The following MCF2L2 variants were observed in gnomAD, a reference collection of about 807,000 sequenced individuals.
The protein encoded by MCF2L2 is probable guanine nucleotide exchange factor MCF2L2.
Under a neutral mutation model 150.2 loss-of-function variants are expected in MCF2L2, and 102 were observed. The ratio of observed to expected loss-of-function variants is 0.68; its 90% CI spans 0.58 to 0.80. The LOEUF is 0.80. Ranked by LOEUF, MCF2L2 falls within the 30% of genes least tolerant of loss-of-function variation. MCF2L2 has a pLI of 0.00. For missense variants in MCF2L2, 1,256 were observed against 1,372.8 expected, an observed-to-expected ratio of 0.91 and a Z score of 1.34; for synonymous variants, 465 against 491.3, an observed-to-expected ratio of 0.95 and a Z score of 0.71.
chr3:183,351,222 A>G (rs1311743967), intron 3 of MCF2L2, among the ~76,000 whole-genome samples: 1 of 90,196 alleles, frequency 1.1e-5, no homozygotes, highest in Admixed American at 1.1e-4. Flanking sequence ...ATATATATAT[A>G]TATATATATA....
At chr3:183,327,136 C>T (rs1466830897) in intron 5 of MCF2L2, among the ~76,000 whole-genome samples, 1 of 151,950 alleles carries the variant, frequency 6.6e-6, no homozygotes, top group East Asian at 1.9e-4. Flanking sequence ...ACCAGCCTGA[C>T]CAACATGGTG....
At chr3:183,349,804 C>T (rs1264569659) in intron 3 of MCF2L2, among the ~76,000 whole-genome samples, 1 of 152,176 alleles carries the variant, frequency 6.6e-6, no homozygotes, top group East Asian at 1.9e-4. Flanking sequence ...TCCCCTTCCA[C>T]TGTTTTTTTC....
At chr3:183,209,650 G>A (rs1399526432) in intron 22 of MCF2L2, among the ~76,000 whole-genome samples, 3 of 151,876 alleles carry the variant, frequency 2.0e-5, no homozygotes, top group Admixed American at 6.6e-5. Context: ...TACCATGCCC[G>A]GCTAATTTTT....
intron 5 of MCF2L2, among the ~76,000 whole-genome samples, chr3:183,332,438 A>G (rs1202235967): frequency 6.6e-6 from 1 of 152,186 alleles, no homozygotes; most frequent in Non-Finnish European, 1.5e-5. Flanking sequence ...TAAAGTCAGA[A>G]TATCGAGATA....
At position 183,309,786 on chromosome 3, in the gene MCF2L2, C is replaced by T. The variant is rs1355104441; in HGVS notation, c.1043G>A (p.Gly348Asp). The T allele has an allele frequency of 4.3e-6, 7 of 1,613,972 alleles. No homozygotes were observed. The highest frequency in any genetic ancestry group is 5.9e-6 in the Non-Finnish European group (7 of 1,179,996). Reference sequence around the variant, plus strand: ...CACGTGCATCACGCTGTCTCCAATGCCTGTAAACTCTGCTTGCTCTTCCAG... The same window carrying T: ...CACGTGCATCACGCTGTCTCCAATGTCTGTAAACTCTGCTTGCTCTTCCAG... ...NLLEEQAEFT[G>D]IGDSVMHVEQ... The change falls in exon 10 of 30, where the codon GGC (glycine) becomes GAC (aspartate). Residue 348 changes from glycine to aspartate, a missense_variant. Coordinates refer to ENST00000328913, the MANE Select transcript of MCF2L2 (RefSeq NM_015078.4).
intron 27 of MCF2L2, among the ~76,000 whole-genome samples, chr3:183,185,096 T>C (rs1721650801): frequency 1.3e-5 from 2 of 152,162 alleles, no homozygotes; most frequent in South Asian, 4.1e-4. Context: ...TTTTTTGTAA[T>C]ATCAGTAGAG....
At chr3:183,341,363 T>G (rs1034448051) in intron 4 of MCF2L2, among the ~76,000 whole-genome samples, 177 bp downstream of exon 4, 1 of 152,220 alleles carries the variant, frequency 6.6e-6, no homozygotes, top group Non-Finnish European at 1.5e-5. Flanking sequence ...CAGAATTGTT[T>G]GCAGGTGACC....
chr3:183,398,191 C>T (rs554369700), intron 1 of MCF2L2, among the ~76,000 whole-genome samples: 1 of 152,360 alleles, frequency 6.6e-6, no homozygotes, highest in Non-Finnish European at 1.5e-5. Flanking sequence ...CCACCCACCC[C>T]TTTACCTTCA....
chr3:183,413,813 A>G (rs989459266), intron 1 of MCF2L2, among the ~76,000 whole-genome samples: 1 of 152,124 alleles, frequency 6.6e-6, no homozygotes, highest in African/African-American at 2.4e-5. Context: ...CCTTACAAAT[A>G]TATTTACTAT....
chr3:183,417,263 G>A (rs555217325), intron 1 of MCF2L2, among the ~76,000 whole-genome samples: 1 of 152,082 alleles, frequency 6.6e-6, no homozygotes, highest in African/African-American at 2.4e-5. Flanking sequence ...GGGGGTACTG[G>A]AACCAATCCC....
At chr3:183,420,132 T>C (rs752055560) in intron 1 of MCF2L2, among the ~76,000 whole-genome samples, 6 of 152,254 alleles carry the variant, frequency 3.9e-5, no homozygotes, top group African/African-American at 7.2e-5. Flanking sequence ...AACAAGTCTC[T>C]AGGAAGTTCC....
At chr3:183,345,212 A>AGTTTCTC (rs1730853459) in intron 3 of MCF2L2, among the ~76,000 whole-genome samples, 1 of 152,246 alleles carries the variant, frequency 6.6e-6, no homozygotes, top group Non-Finnish European at 1.5e-5. Context: ...GAATCATAAC[A>AGTTTCTC]AACAGTCTCT....
intron 1 of MCF2L2, among the ~76,000 whole-genome samples, chr3:183,406,480 G>A (rs1715048755): frequency 6.6e-6 from 1 of 151,978 alleles, no homozygotes; most frequent in Admixed American, 6.6e-5. Context: ...TGTCAGATAT[G>A]CTATTCACAA....
chr3:183,251,578 T>A (rs1055860469), intron 15 of MCF2L2, among the ~76,000 whole-genome samples: 2 of 152,200 alleles, frequency 1.3e-5, no homozygotes, highest in Admixed American at 6.5e-5. Flanking sequence ...GCTACTTGGA[T>A]AAGGAAAGCA....
chr3:183,407,680 T>A (rs1046934049), intron 1 of MCF2L2, among the ~76,000 whole-genome samples: 27 of 152,324 alleles, frequency 1.8e-4, no homozygotes, highest in African/African-American at 6.5e-4. Context: ...TCACCTCACA[T>A]ATGAGGTTTG....
intron 15 of MCF2L2, among the ~76,000 whole-genome samples, chr3:183,242,680 G>C: frequency 6.6e-6 from 1 of 152,218 alleles, no homozygotes; most frequent in East Asian, 1.9e-4. Context: ...GAGTATGGAA[G>C]GGAAATGTGG....
At chr3:183,296,874 C>G in intron 12 of MCF2L2, 102 bp downstream of exon 12, 1 of 1,312,932 alleles carries the variant, frequency 7.6e-7, no homozygotes, top group Non-Finnish European at 1.0e-6. Context: ...CTCAATTCAG[C>G]CTGCTCAGTA....
At chr3:183,263,721 G>A (rs976043216) in intron 15 of MCF2L2, among the ~76,000 whole-genome samples, 5 of 151,940 alleles carry the variant, frequency 3.3e-5, no homozygotes, top group South Asian at 2.1e-4. Context: ...TCTCTCCATC[G>A]CCTCGAACTC....
intron 3 of MCF2L2, among the ~76,000 whole-genome samples, chr3:183,342,603 G>T (rs1730744841): frequency 6.8e-6 from 1 of 147,516 alleles, no homozygotes. Flanking sequence ...TACCTATGAG[G>T]TTGATGTGAA....
Sources: allele counts gnomAD v4.1 joint callset (sites outside exome capture counted in the v4.1 genomes callset), GRCh38; gene constraint gnomAD v4.1.1; transcripts MANE v1.5; gene names NCBI Gene and HGNC (gene_info 2026-07-23, HGNC 2026-07-21).